FAM107B: variants seen among roughly 807,000 people sequenced by gnomAD.
FAM107B encodes the protein family with sequence similarity 107 member B.
Under a neutral mutation model 31.5 loss-of-function variants are expected in FAM107B, and 21 were observed. The observed-to-expected ratio is 0.67, with a 90% CI of 0.47 to 0.96. FAM107B has a LOEUF of 0.96. FAM107B is among the 40% of genes least tolerant of loss of function. FAM107B has a pLI of 0.00. For synonymous variants in FAM107B, 157 were observed against 141.5 expected (o/e 1.11, Z -0.78); for missense variants, 452 against 377.1 (o/e 1.20, Z -1.64).
rs188020687 is a variant in FAM107B, at chr10:14,598,123, G to T, written c.470-67608C>A. Among the ~76,000 whole-genome samples the T allele has an allele frequency of 3.1e-3, 472 of 152,140 alleles. 3 individuals are homozygous for T. Among genetic ancestry groups the T allele is most frequent in the Non-Finnish European group, 4.2e-3 (288 of 68,008 alleles). On this transcript the variant is annotated intron_variant, in intron 2 of 4. Coordinates refer to ENST00000181796, the MANE Select transcript of FAM107B (RefSeq NM_031453.4). ...GCCAACATTTTTCCCCATTCCACAG[G>T]TTGCCTTTTCACTCCGTTGACTGTT...
At position 14,711,570 on chromosome 10, in the gene FAM107B, A is replaced by G. The variant is rs192377215; in HGVS notation, c.412-43879T>C. On this transcript the variant is annotated intron_variant, in intron 1 of 4. Coordinates refer to ENST00000181796, the MANE Select transcript of FAM107B (RefSeq NM_031453.4). ...TAGCCTAGACCATCTAGGTGTGTGT[A>G]AGCACAGTCCTATGATGTTCACGTA... is the stretch of plus-strand genomic sequence containing the variant. 1.9e-3 allele frequency among the ~76,000 whole-genome samples: 291 copies of G among 152,326 alleles called. 1 individual carries two copies. Among genetic ancestry groups the G allele is most frequent in the African/African-American group, 5.9e-3 (244 of 41,572 alleles).
chr10:14,574,971 T>C (rs1189348856), intron 2 of FAM107B, among the ~76,000 whole-genome samples: 3 of 152,116 alleles, frequency 2.0e-5, no homozygotes, highest in African/African-American at 7.2e-5. Context: ...GGAAAAGAAA[T>C]ATGACCTCCT....
At chr10:14,728,613 A>C (rs1202797256) in intron 1 of FAM107B, among the ~76,000 whole-genome samples, 3 of 152,020 alleles carry the variant, frequency 2.0e-5, no homozygotes, top group African/African-American at 7.2e-5. Flanking sequence ...GGGAGGTCAT[A>C]TTGTTTCCCT....
intron 2 of FAM107B, among the ~76,000 whole-genome samples, chr10:14,593,104 G>A (rs1008363129): frequency 1.3e-5 from 2 of 152,102 alleles, no homozygotes; most frequent in Non-Finnish European, 2.9e-5. Flanking sequence ...CAGATAAAGA[G>A]ATCAACAAAG....
chr10:14,774,167 G>C, intron 1 of FAM107B, 86 bp downstream of exon 1: 1 of 1,504,254 alleles, frequency 6.6e-7, no homozygotes, highest in Non-Finnish European at 8.9e-7. Flanking sequence ...GGTTAAATGA[G>C]TTTGTTTGCT....
chr10:14,707,858 A>G (rs1855556365), intron 1 of FAM107B, among the ~76,000 whole-genome samples: 1 of 152,238 alleles, frequency 6.6e-6, no homozygotes, highest in African/African-American at 2.4e-5. Flanking sequence ...TGAATCTTTC[A>G]ATGAATCCCA....
chr10:14,624,529 G>A (rs1008199213), intron 2 of FAM107B, among the ~76,000 whole-genome samples: 4 of 151,966 alleles, frequency 2.6e-5, no homozygotes, highest in Admixed American at 6.6e-5. Context: ...CTAGCTACTC[G>A]GGAGGCTGAG....
chr10:14,557,891 G>T (rs765926198), intron 2 of FAM107B, among the ~76,000 whole-genome samples: 1 of 152,248 alleles, frequency 6.6e-6, no homozygotes. Flanking sequence ...GCTCTTACTC[G>T]ATAGTTCATC....
At chr10:14,644,232 T>A (rs1167321133) in intron 2 of FAM107B, among the ~76,000 whole-genome samples, 1 of 152,254 alleles carries the variant, frequency 6.6e-6, no homozygotes, top group Non-Finnish European at 1.5e-5. Flanking sequence ...AAATGCTTAC[T>A]ATATTCCAGG....
At chr10:14,623,106 G>A (rs1300409777) in intron 2 of FAM107B, among the ~76,000 whole-genome samples, 3 of 152,170 alleles carry the variant, frequency 2.0e-5, no homozygotes, top group Non-Finnish European at 2.9e-5. Flanking sequence ...TCTTGTCAAA[G>A]CAATTGACTT....
intron 1 of FAM107B, among the ~76,000 whole-genome samples, chr10:14,729,661 C>G (rs1856118421): frequency 6.6e-6 from 1 of 152,164 alleles, no homozygotes; most frequent in South Asian, 2.1e-4. Flanking sequence ...GTGGAAATAC[C>G]ATTTCACCCA....
intron 2 of FAM107B, among the ~76,000 whole-genome samples, chr10:14,629,519 A>ATT (rs1260567974): frequency 1.2e-4 from 14 of 112,902 alleles, no homozygotes; most frequent in African/African-American, 4.8e-4. Flanking sequence ...ATATATATAT[A>ATT]TATTTTTTTT....
intron 2 of FAM107B, among the ~76,000 whole-genome samples, chr10:14,625,289 T>C (rs1181979361): frequency 6.6e-6 from 1 of 151,650 alleles, no homozygotes; most frequent in African/African-American, 2.4e-5. Context: ...TATGTGTGTG[T>C]ATCCCTCCCA....
chr10:14,668,235 G>C (rs748497269), intron 1 of FAM107B, among the ~76,000 whole-genome samples: 1 of 151,920 alleles, frequency 6.6e-6, no homozygotes, highest in Non-Finnish European at 1.5e-5. Context: ...AGTAGAGACG[G>C]GGTTTCACCA....
At chr10:14,578,117 T>C (rs982120927) in intron 2 of FAM107B, among the ~76,000 whole-genome samples, 9 of 152,172 alleles carry the variant, frequency 5.9e-5, no homozygotes, top group Non-Finnish European at 1.3e-4. Context: ...GAAAAGTTCA[T>C]TAAATGAAAT....
intron 4 of FAM107B, 94 bp from the exon 5 acceptor site, chr10:14,521,400 TC>T: frequency 2.0e-6 from 2 of 989,112 alleles, no homozygotes; most frequent in Non-Finnish European, 1.6e-6. Flanking sequence ...CAACTTTACT[TC>T]CCCACAGAAT....
intron 1 of FAM107B, among the ~76,000 whole-genome samples, chr10:14,686,015 C>A (rs7898828): frequency 1.3e-4 from 20 of 152,004 alleles, no homozygotes; most frequent in African/African-American, 4.1e-4. Context: ...CCACGAGAAC[C>A]ATCTAGGGGA....
chr10:14,533,788 G>A (rs1444619104), intron 2 of FAM107B, among the ~76,000 whole-genome samples: 2 of 152,182 alleles, frequency 1.3e-5, no homozygotes, highest in Non-Finnish European at 2.9e-5. Context: ...TAGGAAACAG[G>A]CCCTAGCTTG....
At chr10:14,756,458 G>C (rs372935587) in intron 1 of FAM107B, among the ~76,000 whole-genome samples, 1 of 152,110 alleles carries the variant, frequency 6.6e-6, no homozygotes, top group Non-Finnish European at 1.5e-5. Context: ...TCATTCAATG[G>C]CTTTAAGAAG....
Sources: gnomAD v4.1 joint callset for allele counts (sites outside exome capture counted in the v4.1 genomes callset) on GRCh38, gnomAD v4.1.1 for gene constraint, MANE v1.5 for transcripts, NCBI Gene and HGNC (gene_info 2026-07-23, HGNC 2026-07-21) for gene names.